TDRD5: variants seen among roughly 807,000 people sequenced by gnomAD.
The protein encoded by TDRD5 is tudor domain-containing protein 5.
A neutral mutation model predicts 120.6 loss-of-function variants in TDRD5; 41 were observed. The ratio of observed to expected loss-of-function variants is 0.34; its 90% CI spans 0.26 to 0.44. The LOEUF (loss-of-function observed/expected upper bound fraction) is 0.44, where lower values mean the gene tolerates loss of function less well. TDRD5 is among the 20% of genes least tolerant of loss of function. The probability of loss-of-function intolerance (pLI) is 1.00; values close to 1 mark genes in which losing one functional copy is unlikely to be tolerated. For missense variants in TDRD5, 1,006 were observed against 1,221.2 expected, an observed-to-expected ratio of 0.82 and a Z score of 2.63; for synonymous variants, 430 against 433.7, an observed-to-expected ratio of 0.99 and a Z score of 0.11.
At chr1:179,621,976 A>T (rs1210621986) in intron 6 of TDRD5, among the ~76,000 whole-genome samples, 1 of 152,220 alleles carries the variant, frequency 6.6e-6, no homozygotes, top group Non-Finnish European at 1.5e-5. Context: ...TAGTATATTT[A>T]TAGGTAAAAA....
At chr1:179,637,685 A>C (rs899839801) in intron 9 of TDRD5, among the ~76,000 whole-genome samples, 1 of 150,082 alleles carries the variant, frequency 6.7e-6, no homozygotes, top group Admixed American at 6.7e-5. Flanking sequence ...ACTGCACTCC[A>C]GCCTGGGCAA....
At chr1:179,613,767 T>A (rs1676410427) in intron 4 of TDRD5, among the ~76,000 whole-genome samples, 1 of 152,170 alleles carries the variant, frequency 6.6e-6, no homozygotes, top group East Asian at 1.9e-4. Flanking sequence ...CACCTCCTAA[T>A]ACTATCACCT....
At chr1:179,606,910 T>G (rs1676012150) in intron 4 of TDRD5, among the ~76,000 whole-genome samples, 1 of 152,158 alleles carries the variant, frequency 6.6e-6, no homozygotes, top group African/African-American at 2.4e-5. Context: ...AATATTTTGT[T>G]GGCTATTCTG....
intron 4 of TDRD5, among the ~76,000 whole-genome samples, chr1:179,606,901 A>G (rs1188065322): frequency 2.6e-5 from 4 of 152,026 alleles, no homozygotes; most frequent in African/African-American, 9.7e-5. Context: ...TTATTCTTCA[A>G]TATTTTGTTG....
At chr1:179,685,595 T>A (rs1680660528) in intron 17 of TDRD5, among the ~76,000 whole-genome samples, 3 of 152,214 alleles carry the variant, frequency 2.0e-5, no homozygotes, top group Admixed American at 6.5e-5. Context: ...ATTGGTAGTT[T>A]GATGGGGATG....
rs867029541 is a variant in TDRD5, at chr1:179,650,959, C to T, written c.1893C>T (p.Ile631=). ...VGVVDEYVDG[I]LNIFLCDTSS... is the part of the protein sequence containing the mutation. ...TAGTGGATGAATATGTAGATGGAATCCTTAACATTTTTTTGTGTGACACAT... is the reference window on the plus strand; with the variant it reads ...TAGTGGATGAATATGTAGATGGAATTCTTAACATTTTTTTGTGTGACACAT... The change falls in exon 12 of 18, where the codon ATC becomes ATT. Residue 631 remains isoleucine (I), a synonymous_variant. Coordinates refer to ENST00000444136, the MANE Select transcript of TDRD5 (RefSeq NM_001199085.3). 2 of 1,613,974 alleles carry T rather than the reference C, an allele frequency of 1.2e-6. No homozygotes were observed. Among genetic ancestry groups the T allele is most frequent in the Admixed American group, 1.7e-5 (1 of 59,996 alleles).
intron 17 of TDRD5, among the ~76,000 whole-genome samples, chr1:179,671,951 T>TGG (rs1491353503): frequency 3.5e-5 from 2 of 56,568 alleles, no homozygotes; most frequent in Non-Finnish European, 6.7e-5. Context: ...TATTCCATGG[T>TGG]GTGTGTGTGT....
intron 17 of TDRD5, among the ~76,000 whole-genome samples, chr1:179,675,559 G>A (rs1458835624): frequency 1.3e-5 from 2 of 151,982 alleles, no homozygotes; most frequent in African/African-American, 2.4e-5. Context: ...GATTACAGGC[G>A]TGAGCCACCG....
At chr1:179,617,282 G>A (rs1204521055) in intron 4 of TDRD5, among the ~76,000 whole-genome samples, 2 of 152,196 alleles carry the variant, frequency 1.3e-5, no homozygotes, top group Non-Finnish European at 2.9e-5. Context: ...GAAAAGAAGA[G>A]TAGTCAGTTC....
intron 7 of TDRD5, among the ~76,000 whole-genome samples, chr1:179,632,000 G>A (rs1321098972): frequency 6.6e-6 from 1 of 151,378 alleles, no homozygotes; most frequent in African/African-American, 2.4e-5. Context: ...TCCGCCTCGC[G>A]GGTTCATGCC....
At position 179,669,383 on chromosome 1, in the gene TDRD5, G is replaced by T; in HGVS notation, c.2839G>T (p.Ala947Ser). ...TTCAACAACTGCAGTGGATGATTCC[G>T]CAGAAAAGCCCTCTGGTTCTGGTAT... ...PCSTTAVDDS[A>S]EKPSGSVESS... Residue 947 changes from alanine to serine, a missense_variant, in exon 17 of 18, where the codon GCA becomes TCA. Transcript: ENST00000444136. The T allele has an allele frequency of 1.9e-6, 3 of 1,614,106 alleles. No homozygotes were observed. The highest frequency in any genetic ancestry group is 2.2e-5 in the East Asian group (1 of 44,874).
rs1675132922 is a variant in TDRD5 at position 179,591,977 on chromosome 1, G to C, written c.-163G>C. 6.5e-6 allele frequency: 1 copy of C among 152,872 alleles called. No homozygotes were observed. The highest frequency in any genetic ancestry group is 1.5e-5 in the Non-Finnish European group (1 of 68,582). The allele number at this position is 152,872 out of a possible 1,614,324, so 9.5% of individuals were successfully genotyped here. ...ACTGGCAGCAGGGCGGTGCCGGGCC[G>C]AGAAGGGCGCCTCACCTGGCGCCTC... On this transcript the variant is annotated 5_prime_UTR_variant, in exon 1 of 18. Transcript: ENST00000444136.
In TDRD5 at chr1:179,635,838, T is replaced by C. The variant is rs1414632065; in HGVS notation, c.1471T>C (p.Tyr491His). The change falls in exon 9 of 18, where the codon TAT (tyrosine) becomes CAT (histidine). Residue 491 changes from tyrosine (Y) to histidine (H), a missense_variant. By Grantham distance (83) the Tyr-to-His change is moderately conservative. Coordinates refer to ENST00000444136, the MANE Select transcript of TDRD5 (RefSeq NM_001199085.3). Reference sequence around the variant, plus strand: ...TCCTAGTCAATTCTACATCCGGATCTATAGCAGGGATTCGTCAGAGTTACT... The same window carrying C: ...TCCTAGTCAATTCTACATCCGGATCCATAGCAGGGATTCGTCAGAGTTACT... ...ISPSQFYIRI[Y>H]SRDSSELLED... 6.2e-7 allele frequency: 1 copy of C among 1,613,868 alleles called. No homozygotes were observed. Among genetic ancestry groups the C allele is most frequent in the African/African-American group, 1.3e-5 (1 of 75,034 alleles).
intron 14 of TDRD5, among the ~76,000 whole-genome samples, chr1:179,659,588 T>TGC (rs1420217786): frequency 7.5e-5 from 6 of 80,140 alleles, no homozygotes; most frequent in African/African-American, 2.0e-4. Context: ...TGTGTGTGTG[T>TGC]GTGCGCGCGC....
chr1:179,651,918 A>C, intron 12 of TDRD5, 121 bp from the exon 13 acceptor site: 2 of 1,156,004 alleles, frequency 1.7e-6, no homozygotes, highest in Non-Finnish European at 2.5e-6. Flanking sequence ...ATCTCGAAAT[A>C]AATAAATAAA....
At position 179,627,285 on chromosome 1, in the gene TDRD5, A is replaced by G. The variant is rs76241810; in HGVS notation, c.973-3482A>G. On this transcript the variant is annotated intron_variant, in intron 6 of 17. Transcript: ENST00000444136. ...AACATCAGAAAACCAAAATCACACTAGAGAGACATTGATAAAAGGACTGAA... is the reference window on the plus strand; with the variant it reads ...AACATCAGAAAACCAAAATCACACTGGAGAGACATTGATAAAAGGACTGAA... Among the ~76,000 whole-genome samples the G allele has an allele frequency of 1.3e-3, 193 of 152,322 alleles. 2 individuals carry two copies. The East Asian group carries it at 0.029, about 23-fold the overall frequency.
intron 9 of TDRD5, among the ~76,000 whole-genome samples, chr1:179,636,861 A>G (rs748313734): frequency 6.6e-6 from 1 of 152,234 alleles, no homozygotes; most frequent in Non-Finnish European, 1.5e-5. Flanking sequence ...AGCTTGCTTC[A>G]TTTTTGAAAA....
chr1:179,690,752 A>G lies in TDRD5; in HGVS notation c.2917A>G (p.Thr973Ala), dbSNP rs193032891. The G allele has an allele frequency of 2.5e-6, 4 of 1,614,252 alleles. No individual in the cohort carries two copies. The African/African-American group carries it at 4.0e-5, about 16-fold the overall frequency. Residue 973 changes from threonine to alanine, a missense_variant, in exon 18 of 18, where the codon ACA becomes GCA. This residue lies in a region of TDRD5 where 403 missense variants were observed against 448.1 expected (regional missense o/e 0.90). Transcript: ENST00000444136. ...NEDFSSSRAITLYKDKRQESV... is the reference protein window; with the variant it reads ...NEDFSSSRAIALYKDKRQESV... The stretch of plus-strand genomic sequence containing the variant: ...AGATTTTTCTAGCAGCCGTGCTATT[A>G]CATTGTACAAAGACAAGCGTCAAGA...
At chr1:179,654,131 G>A (rs1432416278) in intron 13 of TDRD5, 70 bp from the exon 14 acceptor site, 2 of 1,302,758 alleles carry the variant, frequency 1.5e-6, no homozygotes, top group Non-Finnish European at 2.1e-6. Flanking sequence ...CCCCCAAAAT[G>A]TATAGGCATG....
Sources: gnomAD v4.1 joint callset for allele counts (sites outside exome capture counted in the v4.1 genomes callset) on GRCh38, gnomAD v4.1.1 for gene constraint, gnomAD v4.1.1 regional missense constraint, MANE v1.5 for transcripts, NCBI Gene and HGNC (gene_info 2026-07-23, HGNC 2026-07-21) for gene names.